The following SNRPG variants were observed in gnomAD, a reference collection of about 807,000 sequenced individuals.
SNRPG encodes small nuclear ribonucleoprotein polypeptide G, also known as small nuclear ribonucleoprotein G.
A neutral mutation model predicts 13.9 loss-of-function variants in SNRPG; 3 were observed. The ratio of observed to expected loss-of-function variants is 0.22; its 90% CI spans 0.10 to 0.56. The LOEUF is 0.56. Ranked by LOEUF, SNRPG falls within the 20% of genes least tolerant of loss-of-function variation. The pLI, the probability that SNRPG is intolerant of heterozygous loss-of-function variation, is 0.93. For synonymous variants in SNRPG, 29 were observed against 29.3 expected (o/e 0.99, Z 0.03); for missense variants, 34 against 96.1 (o/e 0.35, Z 2.70).
At chr2:70,289,703 T>C (rs570855564) in intron 1 of SNRPG, among the ~76,000 whole-genome samples, 2 of 152,074 alleles carry the variant, frequency 1.3e-5, no homozygotes, top group East Asian at 3.9e-4. Context: ...TCCAGCTACT[T>C]GGGAGGCTGA....
At chr2:70,292,924 A>G in intron 1 of SNRPG, 1 of 566,830 alleles carries the variant, frequency 1.8e-6, no homozygotes, top group Non-Finnish European at 3.1e-6. Flanking sequence ...TCCTACCTAA[A>G]GTAAGGCTCT....
intron 1 of SNRPG, among the ~76,000 whole-genome samples, chr2:70,289,813 GAA>G (rs768833235): frequency 8.6e-5 from 13 of 151,766 alleles, no homozygotes; most frequent in Non-Finnish European, 1.9e-4. Context: ...TGTCTCAGGG[GAA>G]AAAAAGAGTG....
chr2:70,285,300 G>A (rs762210659), intron 3 of SNRPG, among the ~76,000 whole-genome samples: 12 of 152,126 alleles, frequency 7.9e-5, no homozygotes, highest in African/African-American at 2.2e-4. Context: ...CTGGCCAGGC[G>A]CGGTGGCTCA....
At chr2:70,287,711 G>T in intron 3 of SNRPG, 1 of 393,754 alleles carries the variant, frequency 2.5e-6, no homozygotes, top group East Asian at 4.9e-5. Context: ...CATACCTACT[G>T]AAGTAGAATC....
chr2:70,285,611 C>G (rs1024081697), intron 3 of SNRPG, among the ~76,000 whole-genome samples: 1 of 152,032 alleles, frequency 6.6e-6, no homozygotes, highest in Non-Finnish European at 1.5e-5. Context: ...GAAATTTGTG[C>G]ATAGGGTTCA....
rs1320143155 is a variant in SNRPG at position 70,281,693 on chromosome 2, G to C, written c.181-9C>G. Reference sequence around the variant, plus strand: ...CTATTTCCTCGTATTACCTAAGAAAGAGAAAAATAAATTTGAAAAGAACAA... The same window carrying C: ...CTATTTCCTCGTATTACCTAAGAAACAGAAAAATAAATTTGAAAAGAACAA... On this transcript the variant is annotated splice_polypyrimidine_tract_variant and intron_variant, in intron 3 of 3. Transcript: ENST00000272348. 1.3e-6 allele frequency: 2 copies of C among 1,487,754 alleles called. No homozygotes were observed. Among genetic ancestry groups the C allele is most frequent in the Non-Finnish European group, 1.9e-6 (2 of 1,073,636 alleles). The allele number at this position is 1,487,754 out of a possible 1,614,324, so 92.2% of individuals were successfully genotyped here.
At chr2:70,288,654 T>TC (rs1359818277) in intron 2 of SNRPG, among the ~76,000 whole-genome samples, 1 of 152,210 alleles carries the variant, frequency 6.6e-6, no homozygotes, top group Non-Finnish European at 1.5e-5. Context: ...CATGGTTTTT[T>TC]CCCCTACATA....
chr2:70,289,441 T>C (rs968743231), intron 1 of SNRPG, 69 bp from the exon 2 acceptor site: 2 of 782,930 alleles, frequency 2.6e-6, no homozygotes, highest in Non-Finnish European at 4.2e-6. Context: ...AGTAAATAGG[T>C]ATAGTTAAGA....
Position 70,293,525 on chromosome 2 carries a change from C to A in SNRPG, c.32+93G>T, listed in dbSNP as rs1045576335. 6 of 1,070,064 alleles carry A rather than the reference C, an allele frequency of 5.6e-6. No homozygotes were observed. The East Asian group carries it at 1.2e-4, about 21-fold the overall frequency. 66.3% of individuals were successfully genotyped at this position (1,070,064 alleles called of 1,614,324 possible). On this transcript the variant is annotated intron_variant, in intron 1 of 3. Coordinates refer to ENST00000272348, the MANE Select transcript of SNRPG (RefSeq NM_003096.4). ...GACCGGAAGAAGAAATGAAGTGAAGCGGCTCAAGACATTCGGCTAACGGAG... is the reference window on the plus strand; with the variant it reads ...GACCGGAAGAAGAAATGAAGTGAAGAGGCTCAAGACATTCGGCTAACGGAG...
In SNRPG at chr2:70,288,571, C is replaced by T. The variant is rs146718070; in HGVS notation, c.56-379G>A. 2.5e-3 allele frequency among the ~76,000 whole-genome samples: 382 copies of T among 152,196 alleles called. 2 individuals are homozygous for T. Among genetic ancestry groups the T allele is most frequent in the African/African-American group, 8.8e-3 (367 of 41,522 alleles). ...CCACCGTGCCCGAGCTTTTAAGTAA[C>T]TGGGTTCATGGTTATACAGCTACTG... On this transcript the variant is annotated intron_variant, in intron 2 of 3. Transcript: ENST00000272348.
chr2:70,283,023 A>G (rs1696835952), intron 3 of SNRPG, among the ~76,000 whole-genome samples: 1 of 133,566 alleles, frequency 7.5e-6, no homozygotes, highest in Non-Finnish European at 1.6e-5. Context: ...TGAACCCGGG[A>G]GGCGGAGGTT....
At chr2:70,288,631 T>G (rs1697002132) in intron 2 of SNRPG, among the ~76,000 whole-genome samples, 1 of 152,224 alleles carries the variant, frequency 6.6e-6, no homozygotes, top group Non-Finnish European at 1.5e-5. Flanking sequence ...GAAGGCTGCT[T>G]ACCTCTAACG....
chr2:70,291,817 A>T (rs529229868), intron 1 of SNRPG, among the ~76,000 whole-genome samples: 1 of 151,328 alleles, frequency 6.6e-6, no homozygotes, highest in African/African-American at 2.4e-5. Flanking sequence ...CAAGTAGAGA[A>T]TGGTCTTTTT....
chr2:70,288,403 G>A (rs965162859), intron 2 of SNRPG, among the ~76,000 whole-genome samples: 2 of 152,134 alleles, frequency 1.3e-5, no homozygotes, highest in African/African-American at 4.8e-5. Context: ...TTACTTTATA[G>A]GACAGAACTA....
At chr2:70,290,379 A>G (rs17500255) in intron 1 of SNRPG, among the ~76,000 whole-genome samples, 13,480 of 152,182 alleles carry the variant, frequency 0.089, 890 homozygotes, top group Non-Finnish European at 0.13. Flanking sequence ...ATTTTAGAAT[A>G]ATAAATGCAC....
chr2:70,293,445 TGCGCGGGCTTC>T, intron 1 of SNRPG, 162 bp downstream of exon 1: 1 of 705,304 alleles, frequency 1.4e-6, no homozygotes. Flanking sequence ...GCGCGAGCTC[TGCGCGGGCTTC>T]ACGTCTCATG....
chr2:70,283,473 ATTC>A (rs1000928744), intron 3 of SNRPG, among the ~76,000 whole-genome samples: 6 of 152,240 alleles, frequency 3.9e-5, no homozygotes, highest in African/African-American at 9.6e-5. Flanking sequence ...GTTGTAACTT[ATTC>A]TTTTCTCACA....
At position 70,289,372 on chromosome 2, in the gene SNRPG, T is replaced by C. The variant is rs746433636; in HGVS notation, c.33A>G (p.Lys11=). The C allele has an allele frequency of 4.9e-6, 7 of 1,440,160 alleles. No individual in the cohort carries two copies. In the East Asian group the frequency reaches 7.2e-5, roughly 15 times the overall value. 89.2% of individuals were successfully genotyped at this position (1,440,160 alleles called of 1,614,324 possible). The change falls in exon 2 of 4, where the codon AAA becomes AAG. Residue 11 remains lysine (K), a splice_region_variant and synonymous_variant. Coordinates refer to ENST00000272348, the MANE Select transcript of SNRPG (RefSeq NM_003096.4). The part of the protein sequence containing the change: MSKAHPPELK[K]FMDKKLSLKL... ...TACATGATAACTTCTTGTCCATAAATCTGAAAAAGGAAAAGGGTAAAGATT... is the reference window on the plus strand; with the variant it reads ...TACATGATAACTTCTTGTCCATAAACCTGAAAAAGGAAAAGGGTAAAGATT...
chr2:70,282,671 C>A (rs1285550351), intron 3 of SNRPG, among the ~76,000 whole-genome samples: 2 of 152,022 alleles, frequency 1.3e-5, no homozygotes, highest in African/African-American at 4.8e-5. Flanking sequence ...ATAAGTGTCC[C>A]TGCAACAAGA....
Sources: gnomAD v4.1 joint callset for allele counts (sites outside exome capture counted in the v4.1 genomes callset) on GRCh38, gnomAD v4.1.1 for gene constraint, MANE v1.5 for transcripts, NCBI Gene and HGNC (gene_info 2026-07-23, HGNC 2026-07-21) for gene names.